MCF2L2: variants seen among roughly 807,000 people sequenced by gnomAD.
MCF2L2 encodes the protein MCF.2 cell line derived transforming sequence-like 2, also known as probable guanine nucleotide exchange factor MCF2L2.
In MCF2L2, 102 loss-of-function variants were observed where a neutral mutation model predicts 150.2. The observed-to-expected ratio is 0.68, with a 90% CI of 0.58 to 0.80. The LOEUF is 0.80. MCF2L2 is among the 30% of genes least tolerant of loss of function. The probability of loss-of-function intolerance (pLI) is 0.00; values close to 1 mark genes in which losing one functional copy is unlikely to be tolerated. For missense variants in MCF2L2, 1,256 were observed against 1,372.8 expected (o/e 0.91, Z 1.34); for synonymous variants, 465 against 491.3 (o/e 0.95, Z 0.71).
Position 183,238,991 on chromosome 3 carries a change from G to A in MCF2L2, c.1863-7974C>T, listed in dbSNP as rs558867611. On this transcript the variant is annotated intron_variant, in intron 15 of 29. Transcript: ENST00000328913. ...CAGTCTGGGCAACAGAGCGATATCC[G>A]TCTCAAAAAAAAAAAAAAAAAAAAA... Among the ~76,000 whole-genome samples, 706 of 91,584 alleles carry A rather than the reference G, an allele frequency of 7.7e-3. 7 individuals are homozygous for A. Among genetic ancestry groups the A allele is most frequent in the Admixed American group, 0.029 (214 of 7,426 alleles). 60.1% of individuals were successfully genotyped at this position (91,584 alleles called of 152,430 possible). A position where few individuals can be genotyped will look rare whatever the true frequency, so the allele number is the denominator to read the frequency against.
At chr3:183,279,514 A>G (rs1727355759) in intron 14 of MCF2L2, among the ~76,000 whole-genome samples, 1 of 152,202 alleles carries the variant, frequency 6.6e-6, no homozygotes, top group African/African-American at 2.4e-5. Flanking sequence ...GTGACACTGC[A>G]TCCTTTTTCC....
intron 3 of MCF2L2, among the ~76,000 whole-genome samples, chr3:183,364,881 T>A (rs1712435035): frequency 6.6e-6 from 1 of 152,184 alleles, no homozygotes; most frequent in South Asian, 2.1e-4. Flanking sequence ...TAGCTGAACG[T>A]TATCAAGGCC....
chr3:183,383,487 G>A (rs1205660681), intron 2 of MCF2L2, among the ~76,000 whole-genome samples: 8 of 151,926 alleles, frequency 5.3e-5, no homozygotes, highest in South Asian at 2.1e-4. Flanking sequence ...CGCCCACCTC[G>A]GCCTCCCAAA....
intron 23 of MCF2L2, among the ~76,000 whole-genome samples, chr3:183,207,181 T>C (rs184615305): frequency 2.0e-5 from 3 of 152,242 alleles, no homozygotes; most frequent in Admixed American, 1.3e-4. Flanking sequence ...AAAACAATGC[T>C]TGGTGTGGGC....
chr3:183,209,835 T>C (rs1347620554), intron 22 of MCF2L2, among the ~76,000 whole-genome samples: 1 of 152,084 alleles, frequency 6.6e-6, no homozygotes, highest in Non-Finnish European at 1.5e-5. Flanking sequence ...CTTCAGTCTA[T>C]GTGTATAAGG....
intron 13 of MCF2L2, among the ~76,000 whole-genome samples, chr3:183,293,670 C>G (rs1314628508): frequency 6.6e-6 from 1 of 152,124 alleles, no homozygotes; most frequent in Non-Finnish European, 1.5e-5. Flanking sequence ...GGAAAACACA[C>G]AGATGTCTGC....
intron 7 of MCF2L2, among the ~76,000 whole-genome samples, chr3:183,312,629 C>T (rs907298201): frequency 7.2e-5 from 11 of 152,212 alleles, no homozygotes; most frequent in Admixed American, 3.9e-4. Flanking sequence ...CACCTCTGCA[C>T]GCAAACACTG....
At chr3:183,341,205 A>C (rs1275100655) in intron 4 of MCF2L2, among the ~76,000 whole-genome samples, 1 of 152,228 alleles carries the variant, frequency 6.6e-6, no homozygotes, top group African/African-American at 2.4e-5. Flanking sequence ...GCGGATCTGG[A>C]AGCTGAGATA....
intron 11 of MCF2L2, 88 bp from the exon 12 acceptor site, chr3:183,297,255 G>C: frequency 8.8e-7 from 1 of 1,138,066 alleles, no homozygotes; most frequent in Non-Finnish European, 1.3e-6. Context: ...CTTGTAAGGT[G>C]TCTACAAGGA....
At chr3:183,299,405 A>C (rs964369982) in intron 11 of MCF2L2, 1 of 152,626 alleles carries the variant, frequency 6.6e-6, no homozygotes, top group Non-Finnish European at 1.5e-5. Flanking sequence ...AATCTGCCAT[A>C]TAACAGCTCA....
At chr3:183,326,329 T>C (rs1481040843) in intron 5 of MCF2L2, among the ~76,000 whole-genome samples, 10 of 151,566 alleles carry the variant, frequency 6.6e-5, no homozygotes. Context: ...CCATCTCTAC[T>C]AAAAATACAA....
At chr3:183,251,286 C>T (rs1038861490) in intron 15 of MCF2L2, among the ~76,000 whole-genome samples, 2 of 152,190 alleles carry the variant, frequency 1.3e-5, no homozygotes, top group Admixed American at 1.3e-4. Flanking sequence ...TTAAGCCACT[C>T]GGTTATCAGA....
chr3:183,379,846 T>C (rs1445909996), intron 2 of MCF2L2, among the ~76,000 whole-genome samples: 2 of 151,988 alleles, frequency 1.3e-5, no homozygotes, highest in Non-Finnish European at 2.9e-5. Context: ...TTTGGCAAGA[T>C]ACTTAATGTG....
chr3:183,323,204 C>T (rs752025747), intron 6 of MCF2L2, 31 bp downstream of exon 6: 5 of 1,452,054 alleles, frequency 3.4e-6, no homozygotes, highest in Non-Finnish European at 2.9e-6. Flanking sequence ...CAAGGAGAGA[C>T]AGTGAAAAGC....
At chr3:183,361,021 AAG>A (rs1491488147) in intron 3 of MCF2L2, among the ~76,000 whole-genome samples, 11 of 140,258 alleles carry the variant, frequency 7.8e-5, no homozygotes, top group African/African-American at 1.2e-4. Flanking sequence ...AAGAAAAGAA[AAG>A]AGAAAAGAAA....
At position 183,270,302 on chromosome 3, in the gene MCF2L2, T is replaced by C; in HGVS notation, c.1862+6570A>G. Reference sequence around the variant, plus strand: ...ACTTTGTTGATTCTTTCTACAATCTTACTCTGAAATTACTTATGCAGTTCA... The same window carrying C: ...ACTTTGTTGATTCTTTCTACAATCTCACTCTGAAATTACTTATGCAGTTCA... On this transcript the variant is annotated intron_variant, in intron 15 of 29. Transcript: ENST00000328913. The surrounding 1 kb of genome is among the most constrained non-coding windows in gnomAD (Gnocchi z 4.5). 6.2e-7 allele frequency: 1 copy of C among 1,614,208 alleles called. No homozygotes were observed. Among genetic ancestry groups the C allele is most frequent in the Non-Finnish European group, 8.5e-7 (1 of 1,180,030 alleles).
At chr3:183,313,741 GTGTA>G (rs1311648477) in intron 7 of MCF2L2, among the ~76,000 whole-genome samples, 1 of 152,176 alleles carries the variant, frequency 6.6e-6, no homozygotes, top group African/African-American at 2.4e-5. Context: ...TCCAGAACAT[GTGTA>G]TAAGTTCATG....
At chr3:183,366,753 T>C (rs1403402037) in intron 3 of MCF2L2, among the ~76,000 whole-genome samples, 5 of 152,288 alleles carry the variant, frequency 3.3e-5, no homozygotes, top group Non-Finnish European at 1.5e-5. Context: ...AGAGACTCAG[T>C]GAAAAACACT....
Position 183,179,060 on chromosome 3 carries a change from C to A in MCF2L2, c.*320G>T. Reference sequence around the variant, plus strand: ...CCAGGGGTGCTACTAAACATCCTACCGTGGGAGCACAGAGAAGCCCACGCA... The same window carrying A: ...CCAGGGGTGCTACTAAACATCCTACAGTGGGAGCACAGAGAAGCCCACGCA... On this transcript the variant is annotated 3_prime_UTR_variant, in exon 30 of 30. Transcript: ENST00000328913. The surrounding 1 kb of genome is among the most constrained non-coding windows in gnomAD (Gnocchi z 4.2). 3.5e-6 allele frequency: 1 copy of A among 287,010 alleles called. No individual in the cohort carries two copies. The highest frequency in any genetic ancestry group is 6.4e-6 in the Non-Finnish European group (1 of 155,774). 17.8% of individuals were successfully genotyped at this position (287,010 alleles called of 1,614,324 possible).
Sources: gnomAD v4.1 joint callset for allele counts (sites outside exome capture counted in the v4.1 genomes callset) on GRCh38, gnomAD v4.1.1 for gene constraint, Gnocchi (gnomAD v3.1) non-coding constraint, MANE v1.5 for transcripts, NCBI Gene and HGNC (gene_info 2026-07-23, HGNC 2026-07-21) for gene names.